The following STX12 variants were observed in gnomAD, a reference collection of about 807,000 sequenced individuals.
The protein encoded by STX12 is syntaxin-12.
In STX12, 17 loss-of-function variants were observed where a neutral mutation model predicts 42.2. The ratio of observed to expected loss-of-function variants is 0.40; its 90% CI spans 0.28 to 0.60. STX12 has a LOEUF of 0.60. STX12 is among the 20% of genes least tolerant of loss of function. The probability of loss-of-function intolerance (pLI) is 0.39; values close to 1 mark genes in which losing one functional copy is unlikely to be tolerated. For synonymous variants in STX12, 108 were observed against 116.7 expected (o/e 0.93, Z 0.48); for missense variants, 297 against 330.9 (o/e 0.90, Z 0.79).
At chr1:27,799,490 T>G (rs201783574) in intron 3 of STX12, among the ~76,000 whole-genome samples, 5 of 144,370 alleles carry the variant, frequency 3.5e-5, no homozygotes, top group Admixed American at 1.4e-4. Flanking sequence ...TTTTTTTTTG[T>G]TTTTTTTTTT....
chr1:27,776,330 A>G (rs749693185), intron 1 of STX12, among the ~76,000 whole-genome samples: 1 of 152,204 alleles, frequency 6.6e-6, no homozygotes. Flanking sequence ...GAAAGGTTAA[A>G]TAGTTGCCCT....
At chr1:27,773,678 GC>G (rs2088611069) in intron 1 of STX12, among the ~76,000 whole-genome samples, 2 of 152,202 alleles carry the variant, frequency 1.3e-5, no homozygotes, top group South Asian at 4.1e-4. Flanking sequence ...GACCAAAACA[GC>G]CGACTTGACA....
intron 1 of STX12, among the ~76,000 whole-genome samples, chr1:27,780,733 CTT>C (rs2088662577): frequency 6.6e-6 from 1 of 151,986 alleles, no homozygotes; most frequent in Non-Finnish European, 1.5e-5. Context: ...GAGTGGATCT[CTT>C]GAGCTCAGAA....
At chr1:27,793,753 C>A in intron 3 of STX12, 121 bp downstream of exon 3, 1 of 672,586 alleles carries the variant, frequency 1.5e-6, no homozygotes, top group Non-Finnish European at 2.5e-6. Context: ...CTCCTCTGCA[C>A]CTCAGTTTCT....
chr1:27,817,772 T>C, intron 6 of STX12, 79 bp from the exon 7 acceptor site: 1 of 1,322,598 alleles, frequency 7.6e-7, no homozygotes, highest in South Asian at 1.2e-5. Flanking sequence ...TGTTAATAGC[T>C]AAAACTTTAG....
rs2088992396 is a variant in STX12 at position 27,822,603 on chromosome 1, T to C, written c.*274T>C. The stretch of plus-strand genomic sequence containing the variant: ...ATTGCCCTTCATCCCAAGTGTTTAC[T>C]GAAAATTCCATTCTAGATATTCTTG... On this transcript the variant is annotated 3_prime_UTR_variant, in exon 9 of 9. Transcript: ENST00000373943. The C allele has an allele frequency of 1.3e-5, 4 of 303,568 alleles. No homozygotes were observed. In the East Asian group the frequency reaches 2.4e-4, roughly 18 times the overall value. 18.8% of individuals were successfully genotyped at this position (303,568 alleles called of 1,614,324 possible).
intron 4 of STX12, among the ~76,000 whole-genome samples, chr1:27,808,169 AC>A (rs1270038051): frequency 6.6e-6 from 1 of 152,130 alleles, no homozygotes; most frequent in Non-Finnish European, 1.5e-5. Context: ...AAAGAAAAAA[AC>A]AAACCAAAAA....
intron 1 of STX12, among the ~76,000 whole-genome samples, chr1:27,781,597 A>G (rs1256168733): frequency 6.6e-6 from 1 of 152,206 alleles, no homozygotes; most frequent in Non-Finnish European, 1.5e-5. Context: ...GTAAGTGCTT[A>G]AGAAATGTTA....
chr1:27,816,746 G>A (rs761408850), intron 6 of STX12, among the ~76,000 whole-genome samples: 7 of 151,606 alleles, frequency 4.6e-5, no homozygotes, highest in Non-Finnish European at 7.4e-5. Flanking sequence ...GTGAAACCCC[G>A]TCTCTACTAA....
chr1:27,774,674 A>AAAAAAATT (rs3047062), intron 1 of STX12, among the ~76,000 whole-genome samples: 25,773 of 151,778 alleles, frequency 0.17, 5,804 homozygotes, highest in African/African-American at 0.52. Context: ...TTTTTGATTT[A>AAAAAAATT]AAATATTTTT....
chr1:27,818,069 T>A, intron 7 of STX12, 146 bp downstream of exon 7: 1 of 643,622 alleles, frequency 1.6e-6, no homozygotes, highest in Non-Finnish European at 2.7e-6. Context: ...ATTTGTCTCT[T>A]AAAAAAGAAA....
intron 5 of STX12, among the ~76,000 whole-genome samples, chr1:27,811,272 C>T (rs1188169641): frequency 2.2e-5 from 3 of 135,308 alleles, no homozygotes; most frequent in Non-Finnish European, 4.7e-5. Context: ...AGCGCCACTT[C>T]ACTCCGGCCT....
At chr1:27,790,555 C>T (rs115033049) in intron 2 of STX12, among the ~76,000 whole-genome samples, 3,534 of 152,304 alleles carry the variant, frequency 0.023, 115 homozygotes, top group African/African-American at 0.079. Flanking sequence ...TCCTGTGAGA[C>T]AGAAAATTTC....
rs193129484 is a variant in STX12, at chr1:27,785,398, G to A, written c.119-4164G>A. ...TGGAACCTTTCTAAGCCAAACTTTC[G>A]GGTTGCAAAAGTACTCCTTGGTTAC... On this transcript the variant is annotated intron_variant, in intron 1 of 8. Transcript: ENST00000373943. 6.1e-4 allele frequency among the ~76,000 whole-genome samples: 93 copies of A among 152,220 alleles called. 1 individual carries two copies. Among genetic ancestry groups the A allele is most frequent in the Admixed American group, 5.0e-3 (77 of 15,294 alleles).
rs1448464465 is a variant in STX12 at position 27,813,387 on chromosome 1, G to A, written c.576+1119G>A. Reference sequence around the variant, plus strand: ...GACAGGGTTTTGCCATTTTGGCCAGGCTGGTCTTGAACTTCTGACCTCAAG... The same window carrying A: ...GACAGGGTTTTGCCATTTTGGCCAGACTGGTCTTGAACTTCTGACCTCAAG... On this transcript the variant is annotated intron_variant, in intron 6 of 8. Coordinates refer to ENST00000373943, the MANE Select transcript of STX12 (RefSeq NM_177424.3). Among the ~76,000 whole-genome samples the A allele has an allele frequency of 2.0e-5, 3 of 152,220 alleles. No homozygotes were observed. The East Asian group carries it at 5.8e-4, about 29-fold the overall frequency.
Position 27,799,477 on chromosome 1 carries a change from G to GTTTTTTTTTTTTTTTTTTT in STX12, c.289-2190_289-2189insTTTTTTTTTTTTTTTTTTT. ...GGTTGAACCCCAAACTCATTAGCTT[G>GTTTTTTTTTTTTTTTTTTT]TTTTTTTTTTTGTTTTTTTTTTTGA... On this transcript the variant is annotated intron_variant, in intron 3 of 8. Transcript: ENST00000373943. Among the ~76,000 whole-genome samples, 191 of 130,656 alleles carry GTTTTTTTTTTTTTTTTTTT rather than the reference G, an allele frequency of 1.5e-3. 38 individuals are homozygous for GTTTTTTTTTTTTTTTTTTT. Among genetic ancestry groups the GTTTTTTTTTTTTTTTTTTT allele is most frequent in the African/African-American group, 5.7e-3 (178 of 31,190 alleles). 85.7% of individuals were successfully genotyped at this position (130,656 alleles called of 152,430 possible). A position where few individuals can be genotyped will look rare whatever the true frequency, so the allele number is the denominator to read the frequency against.
intron 1 of STX12, among the ~76,000 whole-genome samples, chr1:27,775,273 A>G (rs1028953923): frequency 6.6e-6 from 1 of 151,954 alleles, no homozygotes; most frequent in Non-Finnish European, 1.5e-5. Context: ...TTAAATTTAA[A>G]TTTAAATTTT....
intron 6 of STX12, among the ~76,000 whole-genome samples, chr1:27,816,943 AAG>A (rs1473319338): frequency 1.4e-5 from 2 of 144,512 alleles, no homozygotes; most frequent in Non-Finnish European, 3.0e-5. Context: ...AAAGGAAGGA[AAG>A]AGAGAGGAGA....
chr1:27,822,020 G>GA (rs1180003432), intron 8 of STX12, among the ~76,000 whole-genome samples: 95 of 144,522 alleles, frequency 6.6e-4, no homozygotes, highest in East Asian at 1.2e-3. Flanking sequence ...TCTGTCTCAA[G>GA]AAAAAAAAAA....
Sources: gnomAD v4.1 joint callset for allele counts (sites outside exome capture counted in the v4.1 genomes callset) on GRCh38, gnomAD v4.1.1 for gene constraint, MANE v1.5 for transcripts, NCBI Gene and HGNC (gene_info 2026-07-23, HGNC 2026-07-21) for gene names.